The following HDGFL3 variants were observed in gnomAD, a reference collection of about 807,000 sequenced individuals.
HDGFL3 encodes HDGF like 3, also known as hepatoma-derived growth factor-related protein 3.
A neutral mutation model predicts 27.6 loss-of-function variants in HDGFL3; 6 were observed. That is an observed-to-expected ratio of 0.22 (90% CI 0.12 to 0.43). The LOEUF (loss-of-function observed/expected upper bound fraction) is 0.43. Among genes scored for constraint, HDGFL3 ranks in the 20% least tolerant of loss-of-function variants. The probability of loss-of-function intolerance (pLI) is 1.00; values close to 1 mark genes in which losing one functional copy is unlikely to be tolerated. For synonymous variants in HDGFL3, 88 were observed against 88.9 expected, an observed-to-expected ratio of 0.99 and a Z score of 0.05; for missense variants, 207 against 250.1, an observed-to-expected ratio of 0.83 and a Z score of 1.16.
downstream of HDGFL3, chr15:83,126,847 G>C (rs748007195): frequency 6.8e-6 from 11 of 1,607,182 alleles, no homozygotes; most frequent in Admixed American, 1.9e-4. Flanking sequence ...CTAAAATTCA[G>C]GTCAAGTAGT....
intron 1 of HDGFL3, among the ~76,000 whole-genome samples, chr15:83,174,264 T>C (rs2037281848): frequency 6.6e-6 from 1 of 152,184 alleles, no homozygotes; most frequent in South Asian, 2.1e-4. Context: ...TTCTGAGTAT[T>C]TTCTCGAGCC....
chr15:83,182,852 TA>T (rs930565073), intron 1 of HDGFL3, among the ~76,000 whole-genome samples: 3 of 152,298 alleles, frequency 2.0e-5, no homozygotes, highest in Non-Finnish European at 4.4e-5. Context: ...TTAAAATACA[TA>T]AAAAATAAGA....
At chr15:83,177,768 G>A (rs2037331400) in intron 1 of HDGFL3, among the ~76,000 whole-genome samples, 1 of 152,126 alleles carries the variant, frequency 6.6e-6, no homozygotes, top group Non-Finnish European at 1.5e-5. Flanking sequence ...TAGAAAGGAT[G>A]TATAATATGT....
chr15:83,190,734 A>G (rs995568818), intron 1 of HDGFL3, among the ~76,000 whole-genome samples: 1 of 152,148 alleles, frequency 6.6e-6, no homozygotes, highest in Non-Finnish European at 1.5e-5. Flanking sequence ...CAATTTCATT[A>G]TAGAGTTTTT....
chr15:83,201,200 GT>G (rs2037641681), intron 1 of HDGFL3, among the ~76,000 whole-genome samples: 1 of 149,794 alleles, frequency 6.7e-6, no homozygotes, highest in Non-Finnish European at 1.5e-5. Flanking sequence ...TTTTTTTAAA[GT>G]TCTAATGAGT....
At position 83,135,462 on chromosome 15, in the gene HDGFL3, G is replaced by A. The variant is rs986121841; in HGVS notation, c.*3808C>T. The A allele has an allele frequency of 1.3e-5, 2 of 152,094 alleles. No individual in the cohort carries two copies. The highest frequency in any genetic ancestry group is 4.8e-5 in the African/African-American group (2 of 41,392). 9.4% of individuals were successfully genotyped at this position (152,094 alleles called of 1,614,324 possible). Reference sequence around the variant, plus strand: ...GATAATTTACTACTTATTACATTTAGATTCCCAATCCTTTATTCATGTGTA... The same window carrying A: ...GATAATTTACTACTTATTACATTTAAATTCCCAATCCTTTATTCATGTGTA... On this transcript the variant is annotated 3_prime_UTR_variant, in exon 6 of 6. Transcript: ENST00000299633.
At chr15:83,121,707 T>C (rs945182686) in intron 3 of HDGFL3, among the ~76,000 whole-genome samples, 1 of 152,216 alleles carries the variant, frequency 6.6e-6, no homozygotes, top group Admixed American at 6.5e-5. Flanking sequence ...AATTTCCTAT[T>C]TAAAAGGACA....
At chr15:83,199,695 G>GTTTATC (rs2037615387) in intron 1 of HDGFL3, among the ~76,000 whole-genome samples, 1 of 152,108 alleles carries the variant, frequency 6.6e-6, no homozygotes, top group South Asian at 2.1e-4. Flanking sequence ...GTATGTTAAT[G>GTTTATC]TGGTCCAGTT....
intron 5 of HDGFL3, among the ~76,000 whole-genome samples, chr15:83,141,121 T>A (rs75487084): frequency 0.02 from 3,110 of 152,350 alleles, 106 homozygotes; most frequent in African/African-American, 0.071. Context: ...TGCATCTTGC[T>A]AATTCATCAT....
chr15:83,136,726 A>G lies in HDGFL3; in HGVS notation c.*2544T>C. The G allele has an allele frequency of 1.4e-6, 2 of 1,460,714 alleles. No homozygotes were observed. Among genetic ancestry groups the G allele is most frequent in the Non-Finnish European group, 9.3e-7 (1 of 1,074,386 alleles). The allele number at this position is 1,460,714 out of a possible 1,614,324, so 90.5% of individuals were successfully genotyped here. A position where few individuals can be genotyped will look rare whatever the true frequency, so the allele number is the denominator to read the frequency against. On this transcript the variant is annotated 3_prime_UTR_variant, in exon 6 of 6. Transcript: ENST00000299633. ...AATTACTAACTTTTGTTATACTGGTACTGATATTTTGTCCCATTTCACTCT... is the reference window on the plus strand; with the variant it reads ...AATTACTAACTTTTGTTATACTGGTGCTGATATTTTGTCCCATTTCACTCT...
intron 3 of HDGFL3, 107 bp downstream of exon 3, chr15:83,157,796 G>C: frequency 9.0e-7 from 1 of 1,107,232 alleles, no homozygotes; most frequent in Non-Finnish European, 1.3e-6. Flanking sequence ...AAAAAGAATT[G>C]TGACTTCAAG....
chr15:83,181,232 C>T (rs2037377200), intron 1 of HDGFL3, among the ~76,000 whole-genome samples: 1 of 152,104 alleles, frequency 6.6e-6, no homozygotes, highest in Non-Finnish European at 1.5e-5. Context: ...AGCAGATGTA[C>T]AGGGGATGTA....
intron 1 of HDGFL3, among the ~76,000 whole-genome samples, chr15:83,173,496 A>G (rs549565067): frequency 1.3e-5 from 2 of 152,198 alleles, no homozygotes; most frequent in Non-Finnish European, 2.9e-5. Context: ...TTGTAAGTTG[A>G]GGAACATCTG....
At chr15:83,199,648 T>A (rs1052961439) in intron 1 of HDGFL3, among the ~76,000 whole-genome samples, 7 of 152,158 alleles carry the variant, frequency 4.6e-5, no homozygotes, top group Non-Finnish European at 8.8e-5. Context: ...GTTTCAATGA[T>A]CAAATGAGAA....
At chr15:83,169,414 C>CAAAAAAAAAAAAAAAAAAAAAAA (rs58159581) in intron 1 of HDGFL3, among the ~76,000 whole-genome samples, 1 of 35,570 alleles carries the variant, frequency 2.8e-5, no homozygotes, top group African/African-American at 8.7e-5. Flanking sequence ...GACTCCGTCT[C>CAAAAAAAAAAAAAAAAAAAAAAA]AAAAAAAAAA....
intron 1 of HDGFL3, among the ~76,000 whole-genome samples, chr15:83,176,028 T>C (rs1241900426): frequency 1.3e-5 from 2 of 152,366 alleles, no homozygotes; most frequent in African/African-American, 4.8e-5. Flanking sequence ...CTAATCTCTG[T>C]TGGATGCAGC....
At chr15:83,206,522 C>A (rs1018927555) in intron 1 of HDGFL3, among the ~76,000 whole-genome samples, 2 of 152,220 alleles carry the variant, frequency 1.3e-5, no homozygotes, top group Non-Finnish European at 2.9e-5. Context: ...TACATGCAGA[C>A]GCTTTCTAGA....
chr15:83,122,717 T>A (rs754549144), intron 3 of HDGFL3: 1 of 1,605,266 alleles, frequency 6.2e-7, no homozygotes, highest in East Asian at 2.2e-5. Flanking sequence ...GTGTTAGATA[T>A]GCTTTTGGTA....
chr15:83,177,696 T>C (rs1256942664), intron 1 of HDGFL3, among the ~76,000 whole-genome samples: 1 of 152,228 alleles, frequency 6.6e-6, no homozygotes, highest in African/African-American at 2.4e-5. Flanking sequence ...AGTGTGTGTG[T>C]GTGTATCTGC....
Sources: allele counts gnomAD v4.1 joint callset (sites outside exome capture counted in the v4.1 genomes callset), GRCh38; gene constraint gnomAD v4.1.1; transcripts MANE v1.5; gene names NCBI Gene and HGNC (gene_info 2026-07-23, HGNC 2026-07-21).